Variants in IQCM observed in about 807,000 individuals in gnomAD.
IQCM encodes IQ domain-containing protein M.
A neutral mutation model predicts 57.6 loss-of-function variants in IQCM; 45 were observed. That is an observed-to-expected ratio of 0.78 (90% confidence interval 0.62 to 1.00). The LOEUF (loss-of-function observed/expected upper bound fraction) is 1.00. Ranked by LOEUF, IQCM falls within the 50% of genes least tolerant of loss-of-function variation. The pLI is 0.00. For missense variants in IQCM, 468 were observed against 511.6 expected, an observed-to-expected ratio of 0.91 and a Z score of 0.82; for synonymous variants, 148 against 158.9, an observed-to-expected ratio of 0.93 and a Z score of 0.51.
chr4:149,442,128 A>T (rs1390209855), intron 12 of IQCM, among the ~76,000 whole-genome samples: 4 of 152,188 alleles, frequency 2.6e-5, no homozygotes, highest in Non-Finnish European at 5.9e-5. Flanking sequence ...CTGCTGCTTG[A>T]TAACTAATGA....
At chr4:149,384,112 A>G (rs532647809) in intron 13 of IQCM, among the ~76,000 whole-genome samples, 2 of 152,246 alleles carry the variant, frequency 1.3e-5, no homozygotes, top group East Asian at 3.9e-4. Flanking sequence ...TCTTACTGTA[A>G]TTTTTTATAT....
At chr4:149,380,444 T>C (rs1730998673) in intron 13 of IQCM, among the ~76,000 whole-genome samples, 1 of 152,136 alleles carries the variant, frequency 6.6e-6, no homozygotes. Flanking sequence ...CAAATCTAAT[T>C]AATTTTAGGA....
At chr4:149,733,922 C>T (rs1766697954) in intron 4 of IQCM, among the ~76,000 whole-genome samples, 2 of 152,150 alleles carry the variant, frequency 1.3e-5, no homozygotes, top group South Asian at 4.2e-4. Flanking sequence ...TGCTAACATC[C>T]CCCAAATCTC....
intron 7 of IQCM, among the ~76,000 whole-genome samples, chr4:149,654,096 C>A (rs572395788): frequency 1.3e-5 from 2 of 152,262 alleles, no homozygotes; most frequent in South Asian, 4.2e-4. Context: ...TATCCTCATT[C>A]CTACAAAGAA....
intron 8 of IQCM, among the ~76,000 whole-genome samples, chr4:149,591,342 G>A (rs1237613793): frequency 6.6e-6 from 1 of 151,500 alleles, no homozygotes; most frequent in Non-Finnish European, 1.5e-5. Flanking sequence ...TTCAATTTTT[G>A]CATCTTAATT....
intron 8 of IQCM, among the ~76,000 whole-genome samples, chr4:149,606,347 A>G (rs1389591109): frequency 6.6e-6 from 1 of 152,174 alleles, no homozygotes. Flanking sequence ...ACACTGGTGT[A>G]CCATAGTGCT....
At chr4:149,755,162 T>A (rs1414701955) in intron 2 of IQCM, among the ~76,000 whole-genome samples, 1 of 152,230 alleles carries the variant, frequency 6.6e-6, no homozygotes, top group African/African-American at 2.4e-5. Flanking sequence ...ACCTGAATTA[T>A]CAGAATAGCC....
chr4:149,586,978 C>T (rs148067183), intron 9 of IQCM, among the ~76,000 whole-genome samples: 1 of 151,828 alleles, frequency 6.6e-6, no homozygotes, highest in Non-Finnish European at 1.5e-5. Flanking sequence ...CTTTTCTACA[C>T]ATGCACAATT....
At chr4:149,681,971 C>CA (rs138781461) in intron 7 of IQCM, 147 bp downstream of exon 7, 94,740 of 390,466 alleles carry the variant, frequency 0.24, 12,988 homozygotes, top group Non-Finnish European at 0.28. Context: ...TAGTTGTTTC[C>CA]AAAATCTGCT....
intron 2 of IQCM, among the ~76,000 whole-genome samples, chr4:149,814,473 A>G (rs552260235): frequency 1.3e-5 from 2 of 152,128 alleles, no homozygotes; most frequent in African/African-American, 4.8e-5. Context: ...AATTATCTTA[A>G]GTATACAGGG....
intron 13 of IQCM, among the ~76,000 whole-genome samples, chr4:149,383,233 G>A (rs1731199993): frequency 6.6e-6 from 1 of 152,116 alleles, no homozygotes; most frequent in Admixed American, 6.6e-5. Context: ...AATGATATGG[G>A]TGATACAAAC....
At chr4:149,695,122 G>A (rs1040927693) in intron 5 of IQCM, among the ~76,000 whole-genome samples, 3 of 152,136 alleles carry the variant, frequency 2.0e-5, no homozygotes, top group African/African-American at 7.2e-5. Flanking sequence ...AAGCACATGT[G>A]TGTTATATAG....
At chr4:149,608,102 C>CA (rs1290340473) in intron 8 of IQCM, among the ~76,000 whole-genome samples, 1 of 151,016 alleles carries the variant, frequency 6.6e-6, no homozygotes, top group African/African-American at 2.4e-5. Context: ...CAGTGGAAAC[C>CA]AAAAAAAGAG....
rs572642177 is a variant in IQCM at position 149,641,323 on chromosome 4, C to A, written c.566-20079G>T. On this transcript the variant is annotated intron_variant, in intron 7 of 13. Coordinates refer to ENST00000636793, the MANE Select transcript of IQCM (RefSeq NM_001363507.2). The stretch of plus-strand genomic sequence containing the variant: ...TACTTTTAAAAGACCCAGGATATTA[C>A]AATCACCCACAAAATCCTTCCCTAT... 1.5e-3 allele frequency among the ~76,000 whole-genome samples: 235 copies of A among 152,232 alleles called. 1 individual carries two copies. The highest frequency in any genetic ancestry group is 5.5e-3 in the African/African-American group (228 of 41,552).
At chr4:149,542,528 C>T (rs1179246642) in intron 12 of IQCM, among the ~76,000 whole-genome samples, 3 of 152,006 alleles carry the variant, frequency 2.0e-5, no homozygotes, top group African/African-American at 7.2e-5. Context: ...AGAAAAGTCT[C>T]TTTCTAAGCC....
intron 7 of IQCM, among the ~76,000 whole-genome samples, chr4:149,625,461 CAA>C (rs975343268): frequency 6.6e-6 from 1 of 152,160 alleles, no homozygotes; most frequent in Non-Finnish European, 1.5e-5. Context: ...GCTTGTTTAT[CAA>C]AGTTTTGTGT....
At chr4:149,513,788 G>A (rs1243134394) in intron 12 of IQCM, among the ~76,000 whole-genome samples, 1 of 152,062 alleles carries the variant, frequency 6.6e-6, no homozygotes, top group Non-Finnish European at 1.5e-5. Flanking sequence ...CACTGCCAAA[G>A]GGAACATTGG....
chr4:149,469,740 A>T (rs1368113119), intron 12 of IQCM, among the ~76,000 whole-genome samples: 3 of 152,148 alleles, frequency 2.0e-5, no homozygotes, highest in Non-Finnish European at 2.9e-5. Context: ...CGGGTTACCC[A>T]CAAAGGGAAG....
intron 2 of IQCM, among the ~76,000 whole-genome samples, chr4:149,746,176 C>T (rs1004095820): frequency 1.3e-5 from 2 of 152,100 alleles, no homozygotes; most frequent in African/African-American, 4.8e-5. Context: ...ACTTTCTCCC[C>T]ACTGTCCCTC....
Sources: gnomAD v4.1 joint callset for allele counts (sites outside exome capture counted in the v4.1 genomes callset) on GRCh38, gnomAD v4.1.1 for gene constraint, MANE v1.5 for transcripts, NCBI Gene and HGNC (gene_info 2026-07-23, HGNC 2026-07-21) for gene names.